Variants in ELOVL6 observed in about 807,000 individuals in gnomAD.
ELOVL6 encodes the protein very long chain fatty acid elongase 6.
ELOVL6 carries 8 observed loss-of-function variants against 31.7 expected under a neutral mutation model. The observed-to-expected ratio is 0.25, with a 90% CI of 0.15 to 0.45. The LOEUF is 0.45. ELOVL6 is among the 20% of genes least tolerant of loss of function. ELOVL6 has a pLI of 1.00. For synonymous variants in ELOVL6, 101 were observed against 117.7 expected (o/e 0.86, Z 0.92); for missense variants, 126 against 326.4 (o/e 0.39, Z 4.73).
chr4:110,108,372 A>C (rs892820441), intron 1 of ELOVL6, among the ~76,000 whole-genome samples: 3 of 152,212 alleles, frequency 2.0e-5, no homozygotes, highest in Non-Finnish European at 4.4e-5. Flanking sequence ...GTAATGCCTC[A>C]AGAACCAAGA....
intron 2 of ELOVL6, among the ~76,000 whole-genome samples, chr4:110,102,350 G>A (rs1225466924): frequency 1.3e-5 from 2 of 152,182 alleles, no homozygotes; most frequent in Admixed American, 6.5e-5. Context: ...TGCATTGCAG[G>A]ATAAAGTAAA....
At chr4:110,175,544 A>G (rs539535256) in intron 1 of ELOVL6, among the ~76,000 whole-genome samples, 1 of 152,196 alleles carries the variant, frequency 6.6e-6, no homozygotes, top group Non-Finnish European at 1.5e-5. Context: ...TAACTAAAAC[A>G]TATACAGCAT....
rs1553956171 is a variant in ELOVL6, at chr4:110,084,425, A to ATATATCATATATGATATATCGCATATAT, written c.221+21071_221+21072insATATATGCGATATATCATATATGATATA. Among the ~76,000 whole-genome samples the ATATATCATATATGATATATCGCATATAT allele has an allele frequency of 2.0e-3, 128 of 63,638 alleles. 15 individuals are homozygous for ATATATCATATATGATATATCGCATATAT. The highest frequency in any genetic ancestry group is 7.5e-3 in the African/African-American group (60 of 8,012). 41.7% of individuals were successfully genotyped at this position (63,638 alleles called of 152,430 possible). ...TGATATATGACATACATGATATATC[A>ATATATCATATATGATATATCGCATATAT]CATATATCATATATGATATATCGCA... On this transcript the variant is annotated intron_variant, in intron 2 of 3. Transcript: ENST00000302274.
At chr4:110,151,114 T>A (rs1578263146) in intron 1 of ELOVL6, among the ~76,000 whole-genome samples, 1 of 152,140 alleles carries the variant, frequency 6.6e-6, no homozygotes, top group Non-Finnish European at 1.5e-5. Flanking sequence ...ACCTTTTAAT[T>A]GCATAAATTC....
intron 1 of ELOVL6, among the ~76,000 whole-genome samples, chr4:110,158,625 A>T (rs1262850125): frequency 8.8e-6 from 1 of 113,882 alleles, no homozygotes; most frequent in Non-Finnish European, 1.7e-5. Context: ...ACACACACAT[A>T]TATACACGTG....
chr4:110,184,092 G>T (rs1373710108), intron 1 of ELOVL6, among the ~76,000 whole-genome samples: 1 of 152,132 alleles, frequency 6.6e-6, no homozygotes, highest in Non-Finnish European at 1.5e-5. Flanking sequence ...AGTTAGCATG[G>T]ATTCACTGAT....
At position 110,127,014 on chromosome 4, in the gene ELOVL6, CTT is replaced by C. The variant is rs965137272; in HGVS notation, c.90-21388_90-21387del. Among the ~76,000 whole-genome samples, 11 of 152,012 alleles carry C rather than the reference CTT, an allele frequency of 7.2e-5. No homozygotes were observed. The South Asian group carries it at 8.3e-4, about 12-fold the overall frequency. ...ATCAATGCATTAAAAAAAGCAAAGA[CTT>C]TGAAAAGAGAGGAAAAGGAAAAGTA... On this transcript the variant is annotated intron_variant, in intron 1 of 3. Coordinates refer to ENST00000302274, the MANE Select transcript of ELOVL6 (RefSeq NM_024090.3).
chr4:110,104,251 T>C (rs1756826495), intron 2 of ELOVL6, among the ~76,000 whole-genome samples: 1 of 152,206 alleles, frequency 6.6e-6, no homozygotes, highest in Non-Finnish European at 1.5e-5. Context: ...GCATACTCTG[T>C]CAACCTTAAA....
intron 2 of ELOVL6, among the ~76,000 whole-genome samples, chr4:110,069,858 G>T (rs562885879): frequency 6.6e-6 from 1 of 152,188 alleles, no homozygotes; most frequent in East Asian, 1.9e-4. Flanking sequence ...AGCCCCTGTG[G>T]GTCCTAGCTC....
chr4:110,183,631 A>G (rs1365960284), intron 1 of ELOVL6, among the ~76,000 whole-genome samples: 4 of 151,824 alleles, frequency 2.6e-5, no homozygotes, highest in Non-Finnish European at 1.5e-5. Context: ...TTACCTCTTT[A>G]GTATGTTTTT....
chr4:110,091,296 G>A (rs1050874032), intron 2 of ELOVL6, among the ~76,000 whole-genome samples: 2 of 152,134 alleles, frequency 1.3e-5, no homozygotes, highest in African/African-American at 4.8e-5. Flanking sequence ...ACATGTATAA[G>A]GTGGCAAAAA....
chr4:110,101,071 G>T (rs539456004), intron 2 of ELOVL6, among the ~76,000 whole-genome samples: 1 of 152,286 alleles, frequency 6.6e-6, no homozygotes, highest in East Asian at 1.9e-4. Context: ...AGACAGTCTT[G>T]CTCTGTAGTC....
chr4:110,092,802 TAC>T (rs61203029), intron 2 of ELOVL6, among the ~76,000 whole-genome samples: 28 of 149,820 alleles, frequency 1.9e-4, no homozygotes, highest in Non-Finnish European at 2.1e-4. Flanking sequence ...AATCTTGTAG[TAC>T]ACACACACAC....
chr4:110,063,550 C>CA (rs939318997), intron 2 of ELOVL6, among the ~76,000 whole-genome samples: 3 of 151,474 alleles, frequency 2.0e-5, no homozygotes, highest in Admixed American at 6.6e-5. Flanking sequence ...GTGAAATGAG[C>CA]ACTTTCCATA....
chr4:110,112,852 C>T (rs1302280685), intron 1 of ELOVL6, among the ~76,000 whole-genome samples: 1 of 151,900 alleles, frequency 6.6e-6, no homozygotes, highest in East Asian at 1.9e-4. Flanking sequence ...CCAGCCTGGG[C>T]AACAGAGCAA....
intron 2 of ELOVL6, among the ~76,000 whole-genome samples, chr4:110,087,891 C>T (rs72898563): frequency 0.021 from 3,221 of 151,524 alleles, 88 homozygotes; most frequent in African/African-American, 0.065. Flanking sequence ...TTTGTCTAGT[C>T]AAAAGATGGT....
chr4:110,084,259 AG>A (rs1578467048), intron 2 of ELOVL6, among the ~76,000 whole-genome samples: 3 of 128,218 alleles, frequency 2.3e-5, no homozygotes, highest in East Asian at 2.4e-4. Flanking sequence ...TATAACATAT[AG>A]CTTATATGTG....
intron 1 of ELOVL6, among the ~76,000 whole-genome samples, chr4:110,186,303 A>C (rs1243182983): frequency 6.6e-6 from 1 of 152,204 alleles, no homozygotes; most frequent in Non-Finnish European, 1.5e-5. Context: ...GCTATCATCT[A>C]TAACCTTCTC....
chr4:110,143,637 T>G (rs2126262503), intron 1 of ELOVL6, among the ~76,000 whole-genome samples: 1 of 152,280 alleles, frequency 6.6e-6, no homozygotes, highest in South Asian at 2.1e-4. Context: ...GAACCTACAC[T>G]TAACAGGATT....
Sources: gnomAD v4.1 joint callset for allele counts (sites outside exome capture counted in the v4.1 genomes callset) on GRCh38, gnomAD v4.1.1 for gene constraint, MANE v1.5 for transcripts, NCBI Gene and HGNC (gene_info 2026-07-23, HGNC 2026-07-21) for gene names.